The following TOGARAM1 variants were observed in gnomAD, a reference collection of about 807,000 sequenced individuals.
TOGARAM1 encodes TOG array regulator of axonemal microtubules 1.
TOGARAM1 carries 100 observed loss-of-function variants against 166.6 expected under a neutral mutation model. The ratio of observed to expected loss-of-function variants is 0.60; its 90% CI spans 0.51 to 0.71. The LOEUF (loss-of-function observed/expected upper bound fraction) is 0.71, where lower values mean the gene tolerates loss of function less well. TOGARAM1 is among the 30% of genes least tolerant of loss of function. The pLI is 0.00. For synonymous variants in TOGARAM1, 758 were observed against 763.8 expected (o/e 0.99, Z 0.13); for missense variants, 2,029 against 2,102.7 (o/e 0.96, Z 0.69).
chr14:45,031,432 T>C (rs988720882), intron 10 of TOGARAM1, among the ~76,000 whole-genome samples: 4 of 152,218 alleles, frequency 2.6e-5, no homozygotes, highest in African/African-American at 9.6e-5. Context: ...GGAAACATCA[T>C]TCTTATTACT....
At chr14:45,018,776 T>G (rs956167400) in intron 7 of TOGARAM1, among the ~76,000 whole-genome samples, 1 of 152,244 alleles carries the variant, frequency 6.6e-6, no homozygotes, top group African/African-American at 2.4e-5. Context: ...TTTATTTACA[T>G]GTTTTATTTC....
chr14:44,991,047 C>G (rs944991056), intron 1 of TOGARAM1, among the ~76,000 whole-genome samples: 1 of 148,428 alleles, frequency 6.7e-6, no homozygotes, highest in African/African-American at 2.5e-5. Context: ...GCAGCCTCGA[C>G]CCCCAGGCTC....
chr14:45,073,071 C>T (rs983534632), intron 19 of TOGARAM1, among the ~76,000 whole-genome samples: 2 of 152,144 alleles, frequency 1.3e-5, no homozygotes, highest in Non-Finnish European at 2.9e-5. Context: ...TCTCTCCTTA[C>T]CACTTTTGCA....
Position 45,009,129 on chromosome 14 carries a change from CA to C in TOGARAM1, c.3122del (p.Gln1041ArgfsTer5). 1 of 1,611,748 alleles carries C rather than the reference CA, an allele frequency of 6.2e-7. No homozygotes were observed. Among genetic ancestry groups the C allele is most frequent in the Non-Finnish European group, 8.5e-7 (1 of 1,178,202 alleles). ...SLTSSLSTTP[Q>X]GKRIMSDIFP... ...GACTTCTTCTCTGTCTACAACTCCCCAGGGGAAGAGAATAATGTATTTTATT... is the reference window on the plus strand; with the variant it reads ...GACTTCTTCTCTGTCTACAACTCCCCGGGGAAGAGAATAATGTATTTTATT... On this transcript the variant is annotated frameshift_variant, in exon 6 of 20. Transcript: ENST00000361462. LOFTEE classifies it high-confidence loss of function.
rs750476040 is a variant in TOGARAM1 at position 45,074,305 on chromosome 14, G to A, written c.*744G>A. On this transcript the variant is annotated 3_prime_UTR_variant, in exon 20 of 20. Transcript: ENST00000361462. ...TATAAAGGTGTTATTCTGCTGCCCAGTTTTGTAATTCTCAAAAATAGTGCC... is the reference window on the plus strand; with the variant it reads ...TATAAAGGTGTTATTCTGCTGCCCAATTTTGTAATTCTCAAAAATAGTGCC... 1.3e-5 allele frequency: 2 copies of A among 152,478 alleles called. No individual in the cohort carries two copies. Among genetic ancestry groups the A allele is most frequent in the Non-Finnish European group, 2.9e-5 (2 of 67,990 alleles). The allele number at this position is 152,478 out of a possible 1,614,324, so 9.4% of individuals were successfully genotyped here.
chr14:45,013,403 C>T (rs1055529015), intron 7 of TOGARAM1, among the ~76,000 whole-genome samples: 6 of 152,132 alleles, frequency 3.9e-5, no homozygotes, highest in African/African-American at 9.7e-5. Context: ...TTATCATAAT[C>T]GGGAATGTGT....
intron 1 of TOGARAM1, among the ~76,000 whole-genome samples, chr14:44,983,403 T>C (rs1450981732): frequency 1.3e-5 from 2 of 152,180 alleles, no homozygotes; most frequent in Middle Eastern, 3.2e-3. Context: ...GTGCAGTGTT[T>C]ATCAAATTTT....
At chr14:45,002,338 C>T (rs1452357390) in intron 3 of TOGARAM1, among the ~76,000 whole-genome samples, 2 of 152,066 alleles carry the variant, frequency 1.3e-5, no homozygotes, top group African/African-American at 4.8e-5. Flanking sequence ...ATTACATTGC[C>T]TTTGAGGACT....
chr14:44,995,671 T>C, intron 1 of TOGARAM1, 75 bp from the exon 2 acceptor site: 2 of 1,013,180 alleles, frequency 2.0e-6, no homozygotes, highest in South Asian at 3.5e-5. Context: ...CATAATTGGA[T>C]CTAAGTTATT....
chr14:45,027,582 A>G, intron 9 of TOGARAM1, 108 bp downstream of exon 9: 1 of 887,412 alleles, frequency 1.1e-6, no homozygotes, highest in Non-Finnish European at 1.6e-6. Flanking sequence ...AATTTAAAAA[A>G]TCTTAGTACA....
In TOGARAM1 at chr14:44,964,365, GGTAT is replaced by G. The variant is rs768450823; in HGVS notation, c.1945_1948del (p.Val649Ter). The stretch of plus-strand genomic sequence containing the variant: ...ACAGCCCAACTATCTGTACCCGAAG[GGTAT>G]TAAGTGCAGGAAAAGGAAAAAATAA... On this transcript the variant is annotated frameshift_variant, in exon 1 of 20. Transcript: ENST00000361462. LOFTEE classifies it high-confidence loss of function. The G allele has an allele frequency of 6.2e-7, 1 of 1,613,870 alleles. No individual in the cohort carries two copies. The highest frequency in any genetic ancestry group is 8.5e-7 in the Non-Finnish European group (1 of 1,179,976).
At chr14:44,998,568 G>A (rs1469870806) in intron 2 of TOGARAM1, among the ~76,000 whole-genome samples, 1 of 152,206 alleles carries the variant, frequency 6.6e-6, no homozygotes, top group Non-Finnish European at 1.5e-5. Context: ...GGGAGGTCGA[G>A]GCTGCAGTGA....
intron 16 of TOGARAM1, among the ~76,000 whole-genome samples, chr14:45,063,148 C>A (rs891737409): frequency 1.3e-5 from 2 of 152,244 alleles, no homozygotes; most frequent in African/African-American, 2.4e-5. Context: ...AGGGCTCTTC[C>A]ATGTTATAGC....
At chr14:45,048,063 A>G (rs1487893054) in intron 14 of TOGARAM1, among the ~76,000 whole-genome samples, 1 of 151,250 alleles carries the variant, frequency 6.6e-6, no homozygotes, top group Non-Finnish European at 1.5e-5. Flanking sequence ...CTCAAAAAAA[A>G]AAAAAAAAGG....
intron 16 of TOGARAM1, among the ~76,000 whole-genome samples, chr14:45,055,828 TG>T (rs1882606483): frequency 6.8e-6 from 1 of 147,218 alleles, no homozygotes; most frequent in Admixed American, 6.7e-5. Context: ...AAGATTGCTT[TG>T]GCTACTTGGG....
At chr14:45,060,637 T>G (rs865828378) in intron 16 of TOGARAM1, among the ~76,000 whole-genome samples, 1 of 152,252 alleles carries the variant, frequency 6.6e-6, no homozygotes, top group South Asian at 2.1e-4. Context: ...AAATGTTTTT[T>G]GGAACCCATT....
chr14:44,965,745 A>G (rs985626418), intron 1 of TOGARAM1, among the ~76,000 whole-genome samples: 1 of 152,148 alleles, frequency 6.6e-6, no homozygotes, highest in African/African-American at 2.4e-5. Flanking sequence ...GAATTAGCAT[A>G]TAATCAGTAC....
At chr14:45,000,963 G>A (rs1202966697) in intron 3 of TOGARAM1, among the ~76,000 whole-genome samples, 3 of 151,868 alleles carry the variant, frequency 2.0e-5, no homozygotes, top group Non-Finnish European at 4.4e-5. Context: ...CGATCTCCTG[G>A]GTACAAACAA....
At chr14:45,059,211 A>G (rs1170530316) in intron 16 of TOGARAM1, among the ~76,000 whole-genome samples, 1 of 152,056 alleles carries the variant, frequency 6.6e-6, no homozygotes, top group African/African-American at 2.4e-5. Flanking sequence ...AGTACCTGGG[A>G]CTACAGGTGC....
Sources: gnomAD v4.1 joint callset for allele counts (sites outside exome capture counted in the v4.1 genomes callset) on GRCh38, gnomAD v4.1.1 for gene constraint, MANE v1.5 for transcripts, NCBI Gene and HGNC (gene_info 2026-07-23, HGNC 2026-07-21) for gene names.